AFG2B: variants seen among roughly 807,000 people sequenced by gnomAD.
AFG2B encodes the protein ATPase family gene 2 protein homolog B.
At chr15:45,405,335 C>T in the AFG2B span, 2 of 1,613,986 alleles carry the variant, frequency 1.2e-6, no homozygotes, top group Non-Finnish European at 1.7e-6. Flanking sequence ...CATTGGGACT[C>T]CCACACTTAA....
the AFG2B span, chr15:45,415,849 A>G: frequency 2.2e-6 from 3 of 1,381,668 alleles, no homozygotes; most frequent in South Asian, 3.7e-5. Context: ...CCAGGCCAAC[A>G]TTAAATATAA....
the AFG2B span, chr15:45,403,315 G>T: frequency 1.3e-6 from 2 of 1,596,488 alleles, no homozygotes; most frequent in Non-Finnish European, 1.7e-6. Flanking sequence ...GGCCAGCCGC[G>T]GACCCAGCCT....
chr15:45,403,648 A>G, the AFG2B span: 3 of 1,177,638 alleles, frequency 2.5e-6, no homozygotes, highest in Non-Finnish European at 3.6e-6. Flanking sequence ...GCTCTTTGCA[A>G]TGCAGAGAAC....
chr15:45,403,059 C>G, the AFG2B span: 1 of 1,547,410 alleles, frequency 6.5e-7, no homozygotes, highest in Non-Finnish European at 8.7e-7. Flanking sequence ...AGGCGGCCGA[C>G]TCGCTGCGGG....
the AFG2B span, among the ~76,000 whole-genome samples, chr15:45,404,869 T>G: frequency 5.9e-5 from 9 of 152,072 alleles, no homozygotes; most frequent in African/African-American, 2.2e-4. Context: ...TATAAAATTT[T>G]TTTGGAAGTA....
chr15:45,412,270 G>A, the AFG2B span, among the ~76,000 whole-genome samples: 2 of 151,970 alleles, frequency 1.3e-5, no homozygotes, highest in African/African-American at 4.8e-5. Flanking sequence ...GTGTGGTGGC[G>A]CAAGCCTGTA....
At chr15:45,407,546 C>T in the AFG2B span, among the ~76,000 whole-genome samples, 1 of 151,808 alleles carries the variant, frequency 6.6e-6, no homozygotes, top group East Asian at 1.9e-4. Flanking sequence ...GTTAAAAAGG[C>T]TTTTTTTTAA....
chr15:45,402,733 G>A, the AFG2B span: 3 of 1,565,740 alleles, frequency 1.9e-6, no homozygotes, highest in African/African-American at 1.4e-5. Context: ...CCTCCTCCTA[G>A]TGCCCTGTCC....
chr15:45,405,293 C>CTTTTT, the AFG2B span: 4 of 1,576,066 alleles, frequency 2.5e-6, no homozygotes, highest in African/African-American at 1.4e-5. Context: ...ACTTCTTCTT[C>CTTTTT]TTTTTTTTGT....
chr15:45,418,511 C>T, the AFG2B span: 1 of 1,531,474 alleles, frequency 6.5e-7, no homozygotes, highest in Non-Finnish European at 8.8e-7. Flanking sequence ...TTGTGTCAAA[C>T]ATAAATGTTA....
At chr15:45,415,042 T>C in the AFG2B span, among the ~76,000 whole-genome samples, 1 of 152,182 alleles carries the variant, frequency 6.6e-6, no homozygotes, top group African/African-American at 2.4e-5. Context: ...ATCTATAGCT[T>C]TATCCTGCTT....
chr15:45,414,649 G>A, the AFG2B span: 6 of 1,614,102 alleles, frequency 3.7e-6, no homozygotes, highest in Non-Finnish European at 5.1e-6. Flanking sequence ...TCTCCTCTAT[G>A]GGCCCCCTGG....
chr15:45,419,993 C>A, the AFG2B span, among the ~76,000 whole-genome samples: 3 of 96,604 alleles, frequency 3.1e-5, no homozygotes, highest in South Asian at 4.0e-4. Context: ...CTGTCCCCCC[C>A]CCCCAAAAAA....
the AFG2B span, among the ~76,000 whole-genome samples, chr15:45,404,243 A>T: frequency 6.6e-6 from 1 of 152,130 alleles, no homozygotes; most frequent in African/African-American, 2.4e-5. Context: ...ACTTGAGTGG[A>T]TTTCTTCCTT....
At chr15:45,416,018 A>G in the AFG2B span, 13 of 334,420 alleles carry the variant, frequency 3.9e-5, no homozygotes, top group Admixed American at 5.8e-4. Flanking sequence ...AAATATAAGA[A>G]TGTGAATTTT....
At chr15:45,405,587 T>G in the AFG2B span, 6 of 1,353,496 alleles carry the variant, frequency 4.4e-6, no homozygotes, top group African/African-American at 7.2e-5. Flanking sequence ...AAGCGGTGAG[T>G]ACATTTTCCT....
chr15:45,417,215 G>T, the AFG2B span: 1 of 1,572,346 alleles, frequency 6.4e-7, no homozygotes, highest in Non-Finnish European at 8.6e-7. Flanking sequence ...ATAATTTTTA[G>T]AAAACTTATT....
At chr15:45,413,179 C>G in the AFG2B span, among the ~76,000 whole-genome samples, 1 of 152,166 alleles carries the variant, frequency 6.6e-6, no homozygotes, top group Non-Finnish European at 1.5e-5. Flanking sequence ...TCTGGCCACC[C>G]TCTCCCCTCC....
chr15:45,407,012 T>A, the AFG2B span: 1 of 1,288,830 alleles, frequency 7.8e-7, no homozygotes, highest in Non-Finnish European at 1.0e-6. Flanking sequence ...ACATTCAGGA[T>A]TTCCTCTGCT....
Sources: allele counts gnomAD v4.1 joint callset (sites outside exome capture counted in the v4.1 genomes callset), GRCh38; gene constraint gnomAD v4.1.1; transcripts MANE v1.5; gene names NCBI Gene and HGNC (gene_info 2026-07-23, HGNC 2026-07-21).